DLGAP2: variants seen among roughly 807,000 people sequenced by gnomAD.
DLGAP2 encodes DLG associated protein 2.
A neutral mutation model predicts 100.3 loss-of-function variants in DLGAP2; 26 were observed. That is an observed-to-expected ratio of 0.26 (90% CI 0.19 to 0.36). DLGAP2 has a LOEUF of 0.36. DLGAP2 is among the 10% of genes least tolerant of loss of function. The pLI is 1.00. For missense variants in DLGAP2, 1,858 were observed against 1,453.2 expected, an observed-to-expected ratio of 1.28 and a Z score of -4.53; for synonymous variants, 886 against 630.1, an observed-to-expected ratio of 1.41 and a Z score of -6.08.
rs897662785 is a variant in DLGAP2 at position 1,703,284 on chromosome 8, T to C, written c.*1878T>C. 4 of 149,230 alleles carry C rather than the reference T, an allele frequency of 2.7e-5. No individual in the cohort carries two copies. The highest frequency in any genetic ancestry group is 3.4e-3 in the Middle Eastern group (1 of 290). The allele number at this position is 149,230 out of a possible 1,614,324, so 9.2% of individuals were successfully genotyped here. A position where few individuals can be genotyped will look rare whatever the true frequency, so the allele number is the denominator to read the frequency against. On this transcript the variant is annotated 3_prime_UTR_variant, in exon 15 of 15. Transcript: ENST00000637795. ...GGAAGCAAAAATCAGTACGAATGTATCTCCTTGAAAAATGCAAAAAAAAAA... is the reference window on the plus strand; with the variant it reads ...GGAAGCAAAAATCAGTACGAATGTACCTCCTTGAAAAATGCAAAAAAAAAA...
At chr8:1,379,469 A>C (rs1468265398) in intron 3 of DLGAP2, 1 of 152,262 alleles carries the variant, frequency 6.6e-6, no homozygotes, top group African/African-American at 2.4e-5. Flanking sequence ...GCCTCTCCTC[A>C]TGGCGAATTT....
chr8:1,371,266 G>A (rs958691971), intron 3 of DLGAP2, among the ~76,000 whole-genome samples: 7 of 152,232 alleles, frequency 4.6e-5, no homozygotes, highest in Admixed American at 1.3e-4. Context: ...GTCTTTAGCC[G>A]TAAGCCTTTC....
chr8:1,563,143 G>A, intron 5 of DLGAP2, among the ~76,000 whole-genome samples: 1 of 73,496 alleles, frequency 1.4e-5, no homozygotes, highest in East Asian at 4.6e-4. Context: ...GGGACTGTGT[G>A]GTGTTGGGGT....
intron 2 of DLGAP2, among the ~76,000 whole-genome samples, chr8:1,173,586 G>T (rs912074593): frequency 3.3e-5 from 5 of 152,188 alleles, no homozygotes; most frequent in Non-Finnish European, 7.3e-5. Flanking sequence ...CCTGGGCAAT[G>T]GTGGGCGCCC....
At chr8:1,438,180 A>G (rs904993240) in intron 3 of DLGAP2, among the ~76,000 whole-genome samples, 3 of 152,268 alleles carry the variant, frequency 2.0e-5, no homozygotes, top group African/African-American at 2.4e-5. Flanking sequence ...ACGAGGGGCA[A>G]CCAGCGCTAG....
chr8:1,106,309 T>G (rs1253057436), intron 2 of DLGAP2, among the ~76,000 whole-genome samples: 5 of 149,962 alleles, frequency 3.3e-5, no homozygotes, highest in Non-Finnish European at 7.4e-5. Flanking sequence ...CTAGAAGGGT[T>G]TTCTATTGAG....
intron 2 of DLGAP2, among the ~76,000 whole-genome samples, chr8:1,079,214 T>C (rs1803720827): frequency 6.6e-6 from 1 of 152,222 alleles, no homozygotes; most frequent in Non-Finnish European, 1.5e-5. Flanking sequence ...GAGGTGTCTC[T>C]TCAGATCTTT....
In DLGAP2 at chr8:1,633,320, GA is replaced by G. The variant is rs973093110; in HGVS notation, c.1810+277del. Among the ~76,000 whole-genome samples the G allele has an allele frequency of 2.4e-3, 164 of 67,994 alleles. No homozygotes were observed. In the African/African-American group the frequency reaches 0.033, roughly 14 times the overall value. 44.6% of individuals were successfully genotyped at this position (67,994 alleles called of 152,430 possible). A position where few individuals can be genotyped will look rare whatever the true frequency, so the allele number is the denominator to read the frequency against. Reference sequence around the variant, plus strand: ...TGTGTAAAGTTTTAGAGAGGAGAAAGAAATGGAAGTGCTAGCATTTGGAAGG... The same window carrying G: ...TGTGTAAAGTTTTAGAGAGGAGAAAGAATGGAAGTGCTAGCATTTGGAAGG... On this transcript the variant is annotated intron_variant, in intron 8 of 14. Transcript: ENST00000637795.
intron 3 of DLGAP2, among the ~76,000 whole-genome samples, chr8:1,263,509 T>G (rs1419029484): frequency 6.6e-6 from 1 of 152,190 alleles, no homozygotes; most frequent in Admixed American, 6.5e-5. Context: ...TAACTCATAA[T>G]CAAGATATTG....
chr8:1,069,974 T>A (rs1309567819), intron 2 of DLGAP2, among the ~76,000 whole-genome samples: 2 of 152,222 alleles, frequency 1.3e-5, no homozygotes, highest in Non-Finnish European at 2.9e-5. Flanking sequence ...GGATTTTAGA[T>A]CAGAGTACAT....
intron 9 of DLGAP2, among the ~76,000 whole-genome samples, chr8:1,669,195 G>T (rs1798624939): frequency 6.6e-6 from 1 of 152,186 alleles, no homozygotes; most frequent in South Asian, 2.1e-4. Context: ...GTGCTGGCAG[G>T]CCCCTCAGCT....
intron 1 of DLGAP2, among the ~76,000 whole-genome samples, chr8:782,586 G>A (rs1390984470): frequency 6.6e-6 from 1 of 152,170 alleles, no homozygotes; most frequent in Non-Finnish European, 1.5e-5. Flanking sequence ...GCAAATGGGG[G>A]TTAAATTATT....
chr8:990,365 A>C (rs1800633285), intron 2 of DLGAP2, among the ~76,000 whole-genome samples: 1 of 94,276 alleles, frequency 1.1e-5, no homozygotes, highest in Non-Finnish European at 2.1e-5. Context: ...CCTTGCCCGG[A>C]CCCCCTGCAC....
intron 2 of DLGAP2, among the ~76,000 whole-genome samples, chr8:1,222,376 G>A (rs537701801): frequency 6.6e-6 from 1 of 152,172 alleles, no homozygotes; most frequent in Non-Finnish European, 1.5e-5. Flanking sequence ...CCCAGGGGCT[G>A]CATGCTCTAA....
chr8:902,157 C>T (rs896430272), intron 1 of DLGAP2, among the ~76,000 whole-genome samples: 2 of 152,210 alleles, frequency 1.3e-5, no homozygotes, highest in Non-Finnish European at 2.9e-5. Flanking sequence ...GGGGACAGTG[C>T]CCAGGCACAG....
chr8:1,427,048 A>G (rs1797256945), intron 3 of DLGAP2, among the ~76,000 whole-genome samples: 1 of 152,224 alleles, frequency 6.6e-6, no homozygotes, highest in Admixed American at 6.5e-5. Flanking sequence ...AGGTGTTAAG[A>G]TCTTTATTTT....
intron 2 of DLGAP2, among the ~76,000 whole-genome samples, chr8:1,040,493 G>C (rs1274924884): frequency 6.7e-6 from 1 of 149,024 alleles, no homozygotes; most frequent in Non-Finnish European, 1.5e-5. Context: ...GGTTTCCGTG[G>C]TCGTCTCGGT....
intron 6 of DLGAP2, among the ~76,000 whole-genome samples, chr8:1,614,932 A>C (rs1797102080): frequency 2.6e-5 from 4 of 152,218 alleles, no homozygotes; most frequent in Non-Finnish European, 5.9e-5. Context: ...TTCACATTTT[A>C]AAGGAAAGGC....
intron 2 of DLGAP2, chr8:1,018,845 A>T (rs974072797): frequency 2.0e-5 from 3 of 152,234 alleles, no homozygotes; most frequent in Non-Finnish European, 2.9e-5. Flanking sequence ...CTTAATTTGC[A>T]TGAATCGATT....
Sources: allele counts gnomAD v4.1 joint callset (sites outside exome capture counted in the v4.1 genomes callset), GRCh38; gene constraint gnomAD v4.1.1; transcripts MANE v1.5; gene names NCBI Gene and HGNC (gene_info 2026-07-23, HGNC 2026-07-21).